The following ESRRG variants were observed in gnomAD, a reference collection of about 807,000 sequenced individuals.
The protein encoded by ESRRG is estrogen related receptor gamma.
A neutral mutation model predicts 44.0 loss-of-function variants in ESRRG; 13 were observed. The observed-to-expected ratio is 0.30, with a 90% CI of 0.19 to 0.47. The LOEUF is 0.47. Among genes scored for constraint, ESRRG ranks in the 20% least tolerant of loss-of-function variants. The probability of loss-of-function intolerance (pLI) is 1.00; values close to 1 mark genes in which losing one functional copy is unlikely to be tolerated. For synonymous variants in ESRRG, 215 were observed against 214.6 expected (o/e 1.00, Z -0.02); for missense variants, 395 against 580.6 (o/e 0.68, Z 3.29).
At chr1:216,684,884 GT>G (rs2077639213) in intron 1 of ESRRG, among the ~76,000 whole-genome samples, 2 of 152,228 alleles carry the variant, frequency 1.3e-5, no homozygotes, top group African/African-American at 2.4e-5. Context: ...GTTTTAACAA[GT>G]GTGTATATTT....
At chr1:216,967,986 A>C (rs1340897268) in intron 1 of ESRRG, among the ~76,000 whole-genome samples, 10 of 152,300 alleles carry the variant, frequency 6.6e-5, no homozygotes, top group Non-Finnish European at 1.5e-5. Flanking sequence ...GAAATTCCTG[A>C]GTCACATCAT....
At chr1:217,081,828 C>T (rs1162507377) in intron 1 of ESRRG, among the ~76,000 whole-genome samples, 2 of 152,134 alleles carry the variant, frequency 1.3e-5, no homozygotes, top group Non-Finnish European at 2.9e-5. Context: ...TATTTACTAC[C>T]AAACATTGAT....
intron 2 of ESRRG, among the ~76,000 whole-genome samples, chr1:216,792,907 A>T (rs771673980): frequency 2.8e-4 from 42 of 152,280 alleles, no homozygotes; most frequent in African/African-American, 9.9e-4. Flanking sequence ...ATGATCCCTT[A>T]GTGAAAAGAA....
At chr1:217,075,593 C>CCG (rs1266963898) in intron 1 of ESRRG, among the ~76,000 whole-genome samples, 1 of 147,862 alleles carries the variant, frequency 6.8e-6, no homozygotes, top group Non-Finnish European at 1.5e-5. Flanking sequence ...CTCCTTTCCC[C>CCG]CCCCCAACAT....
intron 3 of ESRRG, among the ~76,000 whole-genome samples, chr1:216,606,795 G>A (rs561381379): frequency 2.2e-4 from 34 of 152,156 alleles, no homozygotes; most frequent in Non-Finnish European, 4.9e-4. Context: ...GACAGTGTGG[G>A]AGCAGCATAC....
At chr1:216,519,077 C>A in intron 6 of ESRRG, 75 bp downstream of exon 6, 1 of 1,343,692 alleles carries the variant, frequency 7.4e-7, no homozygotes. Flanking sequence ...CTAGCAAATC[C>A]CTAAAGAAGT....
chr1:216,524,147 T>C (rs1315996888), intron 5 of ESRRG, among the ~76,000 whole-genome samples: 1 of 148,724 alleles, frequency 6.7e-6, no homozygotes, highest in Non-Finnish European at 1.5e-5. Flanking sequence ...TCTTTTCACA[T>C]ATGGGGCAGA....
At chr1:216,895,012 A>C (rs1024657239) in intron 2 of ESRRG, among the ~76,000 whole-genome samples, 1 of 152,128 alleles carries the variant, frequency 6.6e-6, no homozygotes, top group African/African-American at 2.4e-5. Flanking sequence ...GCTGTTTTTC[A>C]ATTTGTGTGG....
intron 1 of ESRRG, among the ~76,000 whole-genome samples, chr1:217,110,010 C>T (rs1477974714): frequency 6.6e-6 from 1 of 152,108 alleles, no homozygotes; most frequent in African/African-American, 2.4e-5. Flanking sequence ...ATTCTAAGCC[C>T]ATCTGCCTTG....
rs1356022133 is a variant in ESRRG, at chr1:216,701,616, T to C, written c.56+21628A>G. ...CCCAAAACAAAAGATCACCAGGCCA[T>C]GCTGACTGTCTTCAGTGCTTAAGTA... On this transcript the variant is annotated intron_variant, in intron 1 of 6. Coordinates refer to ENST00000408911, the MANE Select transcript of ESRRG (RefSeq NM_001438.4). The C allele has an allele frequency of 2.6e-5, 4 of 152,276 alleles. No homozygotes were observed. The East Asian group carries it at 5.8e-4, about 22-fold the overall frequency. 9.4% of individuals were successfully genotyped at this position (152,276 alleles called of 1,614,324 possible). A position where few individuals can be genotyped will look rare whatever the true frequency, so the allele number is the denominator to read the frequency against.
intron 1 of ESRRG, among the ~76,000 whole-genome samples, chr1:217,024,160 C>A (rs990030433): frequency 2.0e-5 from 3 of 152,050 alleles, no homozygotes; most frequent in African/African-American, 7.3e-5. Context: ...AGATGGAGAC[C>A]ATCCTGGCTA....
At chr1:216,666,771 A>G (rs1047207020) in intron 2 of ESRRG, among the ~76,000 whole-genome samples, 3 of 152,208 alleles carry the variant, frequency 2.0e-5, no homozygotes, top group East Asian at 1.9e-4. Context: ...TGCAAAAGGC[A>G]GAAAAGTCAA....
chr1:216,836,942 A>G (rs1418522610), intron 2 of ESRRG, among the ~76,000 whole-genome samples: 3 of 152,138 alleles, frequency 2.0e-5, no homozygotes, highest in Non-Finnish European at 2.9e-5. Context: ...ACATGTGTAC[A>G]AACAAAAACA....
intron 5 of ESRRG, among the ~76,000 whole-genome samples, chr1:216,550,632 G>A (rs2056015671): frequency 6.6e-6 from 1 of 152,082 alleles, no homozygotes; most frequent in Non-Finnish European, 1.5e-5. Flanking sequence ...CTGTGCTGTT[G>A]CCGGAGAGAA....
chr1:216,734,375 G>C (rs1036939648), intron 2 of ESRRG, among the ~76,000 whole-genome samples: 2 of 152,142 alleles, frequency 1.3e-5, no homozygotes, highest in African/African-American at 4.8e-5. Context: ...GAGGTGTTCG[G>C]GTCATGAGGG....
At chr1:216,521,607 G>A (rs1295683241) in intron 5 of ESRRG, among the ~76,000 whole-genome samples, 1 of 152,118 alleles carries the variant, frequency 6.6e-6, no homozygotes, top group East Asian at 1.9e-4. Flanking sequence ...TCCTGTGACA[G>A]CCCTATTCTC....
intron 1 of ESRRG, among the ~76,000 whole-genome samples, chr1:216,951,717 ATGTGTGTG>A (rs59233267): frequency 0.22 from 31,879 of 143,448 alleles, 3,678 homozygotes; most frequent in Admixed American, 0.28. Flanking sequence ...AACTATCACT[ATGTGTGTG>A]TGTGTGTGTG....
intron 2 of ESRRG, among the ~76,000 whole-genome samples, chr1:216,898,599 C>A (rs927225997): frequency 6.6e-6 from 1 of 152,088 alleles, no homozygotes; most frequent in African/African-American, 2.4e-5. Context: ...GCCTAGGCGA[C>A]AAAGCGAGAC....
At chr1:216,542,072 C>CAGAGAGAGGG (rs552189046) in intron 5 of ESRRG, among the ~76,000 whole-genome samples, 2 of 139,846 alleles carry the variant, frequency 1.4e-5, no homozygotes, top group Admixed American at 7.1e-5. Context: ...GTGTCTATGA[C>CAGAGAGAGGG]AGAGAGAGAG....
Sources: gnomAD v4.1 joint callset for allele counts (sites outside exome capture counted in the v4.1 genomes callset) on GRCh38, gnomAD v4.1.1 for gene constraint, MANE v1.5 for transcripts, NCBI Gene and HGNC (gene_info 2026-07-23, HGNC 2026-07-21) for gene names.